PGM3: variants seen among roughly 807,000 people sequenced by gnomAD.
PGM3 encodes the protein phosphoglucomutase 3.
A neutral mutation model predicts 66.2 loss-of-function variants in PGM3; 40 were observed. The ratio of observed to expected loss-of-function variants is 0.60; its 90% CI spans 0.47 to 0.79. The LOEUF (loss-of-function observed/expected upper bound fraction) is 0.79. PGM3 is among the 30% of genes least tolerant of loss of function. The probability of loss-of-function intolerance (pLI) is 0.00; values close to 1 mark genes in which losing one functional copy is unlikely to be tolerated. For missense variants in PGM3, 537 were observed against 643.4 expected, an observed-to-expected ratio of 0.83 and a Z score of 1.79; for synonymous variants, 191 against 224.2, an observed-to-expected ratio of 0.85 and a Z score of 1.32.
At chr6:83,191,816 G>A (rs1324331595) in intron 1 of PGM3, among the ~76,000 whole-genome samples, 1 of 151,380 alleles carries the variant, frequency 6.6e-6, no homozygotes, top group Admixed American at 6.6e-5. Flanking sequence ...TGGCGAAACC[G>A]CCTCTCTATT....
At chr6:83,172,493 T>C (rs142940233) in intron 10 of PGM3, among the ~76,000 whole-genome samples, 8 of 152,132 alleles carry the variant, frequency 5.3e-5, no homozygotes, top group South Asian at 2.1e-4. Context: ...ACGCCATCTA[T>C]ACTAAAAATA....
intron 11 of PGM3, chr6:83,171,328 CATA>C (rs1476088498): frequency 6.6e-6 from 1 of 151,816 alleles, no homozygotes; most frequent in Non-Finnish European, 1.5e-5. Flanking sequence ...TTTAATTTTC[CATA>C]ATAAAATCTC....
chr6:83,187,133 G>T, intron 3 of PGM3, 58 bp from the exon 4 acceptor site: 1 of 1,116,222 alleles, frequency 9.0e-7, no homozygotes, highest in Non-Finnish European at 1.3e-6. Flanking sequence ...AGGGTTGCTG[G>T]TTCTGCAAGC....
In PGM3 at chr6:83,187,093, G is replaced by A. The variant is rs779881161; in HGVS notation, c.390-18C>T. On this transcript the variant is annotated intron_variant, in intron 3 of 12. Transcript: ENST00000513973. Reference sequence around the variant, plus strand: ...TGCTGGGCCTAGGAAAGAAAAGGAAGAAAATAATATATCCCATCCTGAAAC... The same window carrying A: ...TGCTGGGCCTAGGAAAGAAAAGGAAAAAAATAATATATCCCATCCTGAAAC... 6.6e-7 allele frequency: 1 copy of A among 1,522,994 alleles called. No individual in the cohort carries two copies. The highest frequency in any genetic ancestry group is 1.1e-5 in the South Asian group (1 of 87,678). 94.3% of individuals were successfully genotyped at this position (1,522,994 alleles called of 1,614,324 possible).
Position 83,179,899 on chromosome 6 carries a change from A to T in PGM3, c.856T>A (p.Tyr286Asn). 6.2e-7 allele frequency: 1 copy of T among 1,612,408 alleles called. No individual in the cohort carries two copies. The highest frequency in any genetic ancestry group is 8.5e-7 in the Non-Finnish European group (1 of 1,178,608). ...DGDADRIVYY[Y>N]HDADGHFHLI... ...TGAAAGTGGCCATCTGCATCATGGT[A>T]GTAATAAACAATTCTGTCTGCATCT... Residue 286 changes from tyrosine to asparagine, a missense_variant, in exon 7 of 13, where the codon TAC becomes AAC. Coordinates refer to ENST00000513973, the MANE Select transcript of PGM3 (RefSeq NM_015599.3).
chr6:83,187,457 T>C (rs1420971951), intron 3 of PGM3, among the ~76,000 whole-genome samples: 2 of 152,186 alleles, frequency 1.3e-5, no homozygotes, highest in African/African-American at 4.8e-5. Flanking sequence ...GCCAAGGATA[T>C]AGAACCTGTT....
chr6:83,158,635 T>G, downstream of PGM3: 2 of 1,583,176 alleles, frequency 1.3e-6, no homozygotes, highest in Non-Finnish European at 1.7e-6. Context: ...AATATGTAAT[T>G]TAAATATATT....
downstream of PGM3, chr6:83,159,679 C>T (rs929112653): frequency 3.5e-6 from 4 of 1,130,668 alleles, no homozygotes; most frequent in African/African-American, 6.2e-5. Context: ...TTAGCAATTA[C>T]TGGCACATTT....
At position 83,167,835 on chromosome 6, in the gene PGM3, T is replaced by C; in HGVS notation, c.*1399A>G. The C allele has an allele frequency of 6.3e-7, 1 of 1,586,588 alleles. No individual in the cohort carries two copies. The highest frequency in any genetic ancestry group is 8.6e-7 in the Non-Finnish European group (1 of 1,166,208). ...CATACCACATTGTCTGTTGTATTAA[T>C]ACCAGTTCACTTTTTGTTTTCTGCA... On this transcript the variant is annotated 3_prime_UTR_variant, in exon 13 of 13. Transcript: ENST00000513973.
At chr6:83,170,696 T>C (rs939795799) in intron 11 of PGM3, 4 of 476,460 alleles carry the variant, frequency 8.4e-6, no homozygotes, top group East Asian at 6.7e-5. Flanking sequence ...TTTCCACAAA[T>C]GCTTAGAGTT....
At chr6:83,153,347 A>G in the PGM3 span, 1 of 459,734 alleles carries the variant, frequency 2.2e-6, no homozygotes, top group Non-Finnish European at 3.8e-6. Flanking sequence ...ACAAAAAAGC[A>G]GATGGTGGCA....
Position 83,167,825 on chromosome 6 carries a change from G to A in PGM3, c.*1409C>T, listed in dbSNP as rs1203067612. On this transcript the variant is annotated 3_prime_UTR_variant, in exon 13 of 13. Transcript: ENST00000513973. ...ATTTTTCTAACATACCACATTGTCT[G>A]TTGTATTAATACCAGTTCACTTTTT... 6.4e-7 allele frequency: 1 copy of A among 1,559,942 alleles called. No individual in the cohort carries two copies. Among genetic ancestry groups the A allele is most frequent in the Non-Finnish European group, 8.7e-7 (1 of 1,154,958 alleles).
At chr6:83,169,645 T>TCTGTTG (rs1264826734) in intron 12 of PGM3, 3 of 470,402 alleles carry the variant, frequency 6.4e-6, no homozygotes, top group East Asian at 6.4e-5. Flanking sequence ...TACTAATGCC[T>TCTGTTG]CTGTTGCCAT....
At chr6:83,176,115 T>C (rs529238295) in intron 8 of PGM3, 55 bp from the exon 9 acceptor site, 1 of 965,430 alleles carries the variant, frequency 1.0e-6, no homozygotes, top group African/African-American at 1.6e-5. Flanking sequence ...CAAATGTTTC[T>C]TGCATACCTA....
In PGM3 at chr6:83,182,748, A is replaced by C; in HGVS notation, c.591+97T>G. On this transcript the variant is annotated intron_variant, in intron 5 of 12. Coordinates refer to ENST00000513973, the MANE Select transcript of PGM3 (RefSeq NM_015599.3). ...AGGAGATATGCAGCATCTTTGGAAAAGGAAAGAGGAGGCATGACAAACAAG... is the reference window on the plus strand; with the variant it reads ...AGGAGATATGCAGCATCTTTGGAAACGGAAAGAGGAGGCATGACAAACAAG... The C allele has an allele frequency of 3.6e-6, 4 of 1,122,450 alleles. No individual in the cohort carries two copies. The South Asian group carries it at 5.8e-5, about 16-fold the overall frequency. The allele number at this position is 1,122,450 out of a possible 1,614,324, so 69.5% of individuals were successfully genotyped here. A position where few individuals can be genotyped will look rare whatever the true frequency, so the allele number is the denominator to read the frequency against.
chr6:83,151,735 T>C, the PGM3 span: 1 of 1,478,018 alleles, frequency 6.8e-7, no homozygotes, highest in Non-Finnish European at 9.2e-7. Context: ...TCAAATAAAA[T>C]AAACTGAAGT....
At chr6:83,158,705 A>G, downstream of PGM3, 1 of 942,542 alleles carries the variant, frequency 1.1e-6, no homozygotes, top group Non-Finnish European at 1.6e-6. Flanking sequence ...CTAGGAGAAT[A>G]TAGTCTTTTT....
Position 83,169,000 on chromosome 6 carries a change from C to T in PGM3, c.*234G>A. The T allele has an allele frequency of 7.6e-7, 1 of 1,309,580 alleles. No individual in the cohort carries two copies. Among genetic ancestry groups the T allele is most frequent in the Non-Finnish European group, 9.7e-7 (1 of 1,026,024 alleles). 81.1% of individuals were successfully genotyped at this position (1,309,580 alleles called of 1,614,324 possible). On this transcript the variant is annotated 3_prime_UTR_variant, in exon 13 of 13. Coordinates refer to ENST00000513973, the MANE Select transcript of PGM3 (RefSeq NM_015599.3). Reference sequence around the variant, plus strand: ...GTGACTGAATTGTATACTTAAGTCCCAGTATTTTACATTAGTGAGACTGAA... The same window carrying T: ...GTGACTGAATTGTATACTTAAGTCCTAGTATTTTACATTAGTGAGACTGAA...
chr6:83,159,607 A>G, downstream of PGM3: 1 of 673,086 alleles, frequency 1.5e-6, no homozygotes, highest in Non-Finnish European at 2.5e-6. Flanking sequence ...CTGTTTTTGC[A>G]TTCTCAAAGA....
Sources: allele counts gnomAD v4.1 joint callset (sites outside exome capture counted in the v4.1 genomes callset), GRCh38; gene constraint gnomAD v4.1.1; transcripts MANE v1.5; gene names NCBI Gene and HGNC (gene_info 2026-07-23, HGNC 2026-07-21).